ITGB3: variants seen among roughly 807,000 people sequenced by gnomAD.
The protein encoded by ITGB3 is integrin beta-3.
A neutral mutation model predicts 85.8 loss-of-function variants in ITGB3; 48 were observed. That is an observed-to-expected ratio of 0.56 (90% confidence interval 0.44 to 0.71). The LOEUF (loss-of-function observed/expected upper bound fraction) is 0.71, where lower values mean the gene tolerates loss of function less well. Ranked by LOEUF, ITGB3 falls within the 30% of genes least tolerant of loss-of-function variation. The probability of loss-of-function intolerance (pLI) is 0.00; values close to 1 mark genes in which losing one functional copy is unlikely to be tolerated. For synonymous variants in ITGB3, 363 were observed against 395.6 expected (o/e 0.92, Z 0.98); for missense variants, 861 against 1,019.1 (o/e 0.84, Z 2.11).
At chr17:47,293,056 AC>A (rs907550158) in intron 10 of ITGB3, among the ~76,000 whole-genome samples, 5 of 152,202 alleles carry the variant, frequency 3.3e-5, no homozygotes, top group Non-Finnish European at 7.3e-5. Context: ...ATTTAAATTA[AC>A]CAAAATTGAA....
At chr17:47,300,704 A>G in intron 12 of ITGB3, 126 bp downstream of exon 12, 3 of 738,132 alleles carry the variant, frequency 4.1e-6, no homozygotes, top group African/African-American at 1.7e-5. Context: ...AATGTTGTGC[A>G]GGCTTGAGGA....
chr17:47,300,346 C>CGCGCGCGCGCGCGCGT (rs377375532), intron 11 of ITGB3, 132 bp from the exon 12 acceptor site: 8 of 619,830 alleles, frequency 1.3e-5, no homozygotes, highest in Admixed American at 2.2e-5. Flanking sequence ...CGCGCGCGCG[C>CGCGCGCGCGCGCGCGT]GTGTGTGTGT....
chr17:47,312,492 C>A lies in ITGB3; in HGVS notation c.*2288C>A, dbSNP rs2065219304. Reference sequence around the variant, plus strand: ...TGGAAGCTCATGCCTGTAATTATAACCTTCAGCTACTAAGACAGGTGTGGT... The same window carrying A: ...TGGAAGCTCATGCCTGTAATTATAAACTTCAGCTACTAAGACAGGTGTGGT... On this transcript the variant is annotated 3_prime_UTR_variant, in exon 15 of 15. Transcript: ENST00000559488. Among the ~76,000 whole-genome samples, 1 of 152,154 alleles carries A rather than the reference C, an allele frequency of 6.6e-6. No individual in the cohort carries two copies. Among genetic ancestry groups the A allele is most frequent in the African/African-American group, 2.4e-5 (1 of 41,426 alleles).
At chr17:47,291,816 G>GT in intron 9 of ITGB3, among the ~76,000 whole-genome samples, 1 of 152,332 alleles carries the variant, frequency 6.6e-6, no homozygotes, top group African/African-American at 2.4e-5. Context: ...CCAAAGCAGG[G>GT]TGTTTATATG....
intron 1 of ITGB3, among the ~76,000 whole-genome samples, chr17:47,272,042 G>A (rs959932997): frequency 1.4e-5 from 2 of 145,998 alleles, no homozygotes; most frequent in African/African-American, 5.1e-5. Flanking sequence ...GGCATGAGCC[G>A]CCTCACCGGG....
At chr17:47,256,446 G>T (rs562563485) in intron 1 of ITGB3, among the ~76,000 whole-genome samples, 1 of 151,862 alleles carries the variant, frequency 6.6e-6, no homozygotes, top group East Asian at 1.9e-4. Flanking sequence ...AAGGGCAGGG[G>T]CTCTAAAGTC....
At chr17:47,283,173 T>A (rs2065089819) in intron 2 of ITGB3, among the ~76,000 whole-genome samples, 181 bp from the exon 3 acceptor site, 1 of 152,030 alleles carries the variant, frequency 6.6e-6, no homozygotes, top group Non-Finnish European at 1.5e-5. Context: ...TCCCAAAGTA[T>A]CAATTTCCCC....
chr17:47,281,726 A>C lies in ITGB3; in HGVS notation c.166-1628A>C, dbSNP rs57444284. The stretch of plus-strand genomic sequence containing the variant: ...CCATGTTCCCAAGTTTGTGGAGTTT[A>C]TTCATAATTAGCTTATCCAGGAAGT... On this transcript the variant is annotated intron_variant, in intron 2 of 14. Transcript: ENST00000559488. Among the ~76,000 whole-genome samples the C allele has an allele frequency of 3.2e-3, 489 of 152,176 alleles. 1 individual carries two copies. Among genetic ancestry groups the C allele is most frequent in the African/African-American group, 0.011 (472 of 41,518 alleles).
At chr17:47,265,228 C>T (rs958725659) in intron 1 of ITGB3, among the ~76,000 whole-genome samples, 3 of 152,062 alleles carry the variant, frequency 2.0e-5, no homozygotes, top group Non-Finnish European at 2.9e-5. Context: ...AAGTATTTCA[C>T]GGCAGTGTTC....
At position 47,283,372 on chromosome 17, in the gene ITGB3, C is replaced by T; in HGVS notation, c.184C>T (p.Pro62Ser). ...CSDEALPLGSPRCDLKENLLK... is the reference protein window; with the variant it reads ...CSDEALPLGSSRCDLKENLLK... ...CTTACAGGCCCTGCCTCTGGGCTCA[C>T]CTCGCTGTGACCTGAAGGAGAATCT... Residue 62 changes from proline (P) to serine (S), a missense_variant, in exon 3 of 15, where the codon CCT becomes TCT. Pro to Ser is a moderately conservative substitution (Grantham distance 74, BLOSUM62 -1). Transcript: ENST00000559488. The T allele has an allele frequency of 4.3e-6, 7 of 1,614,214 alleles. No homozygotes were observed. The highest frequency in any genetic ancestry group is 5.9e-6 in the Non-Finnish European group (7 of 1,180,044).
chr17:47,292,137 A>G lies in ITGB3; in HGVS notation c.1261-2A>G. On this transcript the variant is annotated splice_acceptor_variant, in intron 9 of 14. Coordinates refer to ENST00000559488, the MANE Select transcript of ITGB3 (RefSeq NM_000212.3). LOFTEE classifies it high-confidence loss of function. ...CTAAATACAATCTTTCTTTCCATCCAGGTGAGCTTCAGCATTGAGGCCAAG... is the reference window on the plus strand; with the variant it reads ...CTAAATACAATCTTTCTTTCCATCCGGGTGAGCTTCAGCATTGAGGCCAAG... The G allele has an allele frequency of 6.2e-7, 1 of 1,614,072 alleles. No homozygotes were observed. The highest frequency in any genetic ancestry group is 1.1e-5 in the South Asian group (1 of 91,078).
chr17:47,287,417 A>G (rs1300999721), intron 6 of ITGB3, among the ~76,000 whole-genome samples, 186 bp downstream of exon 6: 2 of 152,142 alleles, frequency 1.3e-5, no homozygotes, highest in African/African-American at 2.4e-5. Context: ...CTATATAACC[A>G]TTAGAGATGT....
At chr17:47,274,297 G>A in intron 1 of ITGB3, 122 bp from the exon 2 acceptor site, 2 of 799,064 alleles carry the variant, frequency 2.5e-6, no homozygotes, top group Non-Finnish European at 2.2e-6. Flanking sequence ...GTATGGTTAG[G>A]GTGTGTTTGT....
At chr17:47,259,747 A>G (rs1567758421) in intron 1 of ITGB3, among the ~76,000 whole-genome samples, 1 of 152,138 alleles carries the variant, frequency 6.6e-6, no homozygotes, top group Non-Finnish European at 1.5e-5. Context: ...TAAAAATACA[A>G]AATCAGCTGG....
At chr17:47,310,074 A>T in intron 14 of ITGB3, 65 bp from the exon 15 acceptor site, 1 of 1,399,902 alleles carries the variant, frequency 7.1e-7, no homozygotes, top group Non-Finnish European at 1.0e-6. Flanking sequence ...GATGAATTTT[A>T]AACATTCAGG....
intron 10 of ITGB3, among the ~76,000 whole-genome samples, chr17:47,295,105 G>A (rs1159029456): frequency 6.6e-6 from 1 of 152,214 alleles, no homozygotes; most frequent in Non-Finnish European, 1.5e-5. Context: ...ATAGAGAGGC[G>A]TGAATAAGAC....
chr17:47,280,569 G>A (rs2065080273), intron 2 of ITGB3, among the ~76,000 whole-genome samples: 1 of 152,110 alleles, frequency 6.6e-6, no homozygotes, highest in African/African-American at 2.4e-5. Context: ...GTGGCCCAGG[G>A]TGGTCCGGAA....
chr17:47,254,382 G>A (rs1358865415), intron 1 of ITGB3, among the ~76,000 whole-genome samples: 1 of 152,198 alleles, frequency 6.6e-6, no homozygotes, highest in African/African-American at 2.4e-5. Flanking sequence ...CTTCCTGGGT[G>A]AGAGCGTGCG....
In ITGB3 at chr17:47,290,905, G is replaced by A. The variant is rs368668946; in HGVS notation, c.1126-49G>A. The A allele has an allele frequency of 3.5e-5, 56 of 1,610,920 alleles. No individual in the cohort carries two copies. In the African/African-American group the frequency reaches 3.9e-4, roughly 11 times the overall value. ...ATGGAACTGGCTCTTGCCATTTCCC[G>A]TTTCCTTTCAGTTCAATTTCTTGTC... On this transcript the variant is annotated intron_variant, in intron 8 of 14. Transcript: ENST00000559488.
Sources: allele counts gnomAD v4.1 joint callset (sites outside exome capture counted in the v4.1 genomes callset), GRCh38; gene constraint gnomAD v4.1.1; transcripts MANE v1.5; gene names NCBI Gene and HGNC (gene_info 2026-07-23, HGNC 2026-07-21).